ACOX1: variants seen among roughly 807,000 people sequenced by gnomAD.
ACOX1 encodes peroxisomal acyl-coenzyme A oxidase 1.
ACOX1 carries 41 observed loss-of-function variants against 75.5 expected under a neutral mutation model. That is an observed-to-expected ratio of 0.54 (90% confidence interval 0.42 to 0.70). The LOEUF (loss-of-function observed/expected upper bound fraction) is 0.70. ACOX1 is among the 30% of genes least tolerant of loss of function. The pLI is 0.00. For missense variants in ACOX1, 630 were observed against 837.5 expected, an observed-to-expected ratio of 0.75 and a Z score of 3.06; for synonymous variants, 303 against 298.8, an observed-to-expected ratio of 1.01 and a Z score of -0.15.
rs2065711020 is a variant in ACOX1 at position 75,945,444 on chromosome 17, AT to A, written c.*1303del. ...TACCAGTTCCCCAGGATAGATAGAT[AT>A]TATGTCAGGTCCCAAGATAGGAGTT... is the stretch of plus-strand genomic sequence containing the variant. On this transcript the variant is annotated 3_prime_UTR_variant, in exon 14 of 14. Transcript: ENST00000293217. 1 of 152,228 alleles carries A rather than the reference AT, an allele frequency of 6.6e-6. No homozygotes were observed. The highest frequency in any genetic ancestry group is 1.5e-5 in the Non-Finnish European group (1 of 68,028). 9.4% of individuals were successfully genotyped at this position (152,228 alleles called of 1,614,324 possible). A position where few individuals can be genotyped will look rare whatever the true frequency, so the allele number is the denominator to read the frequency against.
Position 75,978,455 on chromosome 17 carries a change from C to T in ACOX1, c.269+79G>A. The T allele has an allele frequency of 6.4e-7, 1 of 1,556,594 alleles. No individual in the cohort carries two copies. The highest frequency in any genetic ancestry group is 1.7e-4 in the Middle Eastern group (1 of 5,954). ...AGTTTGCATCTTCAAACACCAAGCA[C>T]GGTGATGAAAGGCCACCATAGACCG... On this transcript the variant is annotated intron_variant, in intron 2 of 13. Transcript: ENST00000293217. This position sits in a 1 kb window ranked among gnomAD's most constrained non-coding sequence, Gnocchi z 4.2.
intron 7 of ACOX1, 184 bp downstream of exon 7, chr17:75,953,267 T>A: frequency 1.7e-6 from 1 of 604,576 alleles, no homozygotes; most frequent in Non-Finnish European, 2.9e-6. Context: ...ATAGCAAGGG[T>A]GGTTATTTCT....
chr17:75,949,969 C>G (rs1317866031), intron 9 of ACOX1, 72 bp from the exon 10 acceptor site: 2 of 1,552,162 alleles, frequency 1.3e-6, no homozygotes, highest in African/African-American at 2.7e-5. Context: ...GAGTTTCATT[C>G]TTGTTGCCTA....
Position 75,946,394 on chromosome 17 carries a change from T to C in ACOX1, c.*354A>G. On this transcript the variant is annotated 3_prime_UTR_variant, in exon 14 of 14. Transcript: ENST00000293217. ...ATACCTTTGCTTAAAAACACTTATA[T>C]AGCCAGTGATTAGCAATTAAAATGT... 2.9e-6 allele frequency: 1 copy of C among 349,702 alleles called. No homozygotes were observed. Among genetic ancestry groups the C allele is most frequent in the South Asian group, 2.3e-5 (1 of 42,684 alleles). The allele number at this position is 349,702 out of a possible 1,614,324, so 21.7% of individuals were successfully genotyped here.
rs753117956 is a variant in ACOX1 at position 75,946,711 on chromosome 17, G to A, written c.*37C>T. On this transcript the variant is annotated 3_prime_UTR_variant, in exon 14 of 14. Coordinates refer to ENST00000293217, the MANE Select transcript of ACOX1 (RefSeq NM_004035.7). ...CACAAAATTTGAGTTGCACACAGGC[G>A]CTTTCTGAAGCAGATTAAACTTGTC... 5.6e-6 allele frequency: 9 copies of A among 1,599,174 alleles called. No homozygotes were observed. Among genetic ancestry groups the A allele is most frequent in the South Asian group, 3.3e-5 (3 of 90,696 alleles).
At position 75,944,702 on chromosome 17, in the gene ACOX1, G is replaced by C. The variant is rs1342737880; in HGVS notation, c.*2046C>G. On this transcript the variant is annotated 3_prime_UTR_variant, in exon 14 of 14. Transcript: ENST00000293217. ...ATTATATTGAATAAAGTTCAAGACA[G>C]AACATTCCAATATTAATAAAAATAG... 1.3e-5 allele frequency: 2 copies of C among 152,030 alleles called. No individual in the cohort carries two copies. Among genetic ancestry groups the C allele is most frequent in the African/African-American group, 4.8e-5 (2 of 41,402 alleles). 9.4% of individuals were successfully genotyped at this position (152,030 alleles called of 1,614,324 possible).
chr17:75,958,363 A>G lies in ACOX1; in HGVS notation c.431-797T>C, dbSNP rs544132714. On this transcript the variant is annotated intron_variant, in intron 3 of 13. Coordinates refer to ENST00000293217, the MANE Select transcript of ACOX1 (RefSeq NM_004035.7). ...GCAAGACTCCATCTCAAAAAAAAAAAAAAAAGAAAAAGAAAAAGAAAAAGG... is the reference window on the plus strand; with the variant it reads ...GCAAGACTCCATCTCAAAAAAAAAAGAAAAAGAAAAAGAAAAAGAAAAAGG... 6.5e-4 allele frequency among the ~76,000 whole-genome samples: 96 copies of G among 147,446 alleles called. 2 individuals are homozygous for G. Among genetic ancestry groups the G allele is most frequent in the African/African-American group, 2.2e-3 (87 of 39,330 alleles).
intron 2 of ACOX1, among the ~76,000 whole-genome samples, chr17:75,970,022 T>G (rs2065978074): frequency 6.6e-6 from 1 of 151,672 alleles, no homozygotes. Flanking sequence ...CTGTCTCTAC[T>G]AAAAATATAA....
At position 75,944,209 on chromosome 17, in the gene ACOX1, G is replaced by C. The variant is rs2065699428; in HGVS notation, c.*2539C>G. ...AGATCCCACCACTGCACTCCAGTCTGGGTGACAGTGATACCCTGTCTCAAA... is the reference window on the plus strand; with the variant it reads ...AGATCCCACCACTGCACTCCAGTCTCGGTGACAGTGATACCCTGTCTCAAA... On this transcript the variant is annotated 3_prime_UTR_variant, in exon 14 of 14. Transcript: ENST00000293217. 6.6e-6 allele frequency: 1 copy of C among 152,184 alleles called. No individual in the cohort carries two copies. The highest frequency in any genetic ancestry group is 1.5e-5 in the Non-Finnish European group (1 of 68,028). 9.4% of individuals were successfully genotyped at this position (152,184 alleles called of 1,614,324 possible). A position where few individuals can be genotyped will look rare whatever the true frequency, so the allele number is the denominator to read the frequency against.
In ACOX1 at chr17:75,946,593, T is replaced by A. The variant is rs544439410; in HGVS notation, c.*155A>T. 1.7e-4 allele frequency: 118 copies of A among 695,878 alleles called. No individual in the cohort carries two copies. The highest frequency in any genetic ancestry group is 7.4e-4 in the Middle Eastern group (2 of 2,716). 43.1% of individuals were successfully genotyped at this position (695,878 alleles called of 1,614,324 possible). A position where few individuals can be genotyped will look rare whatever the true frequency, so the allele number is the denominator to read the frequency against. Reference sequence around the variant, plus strand: ...CTTAAAACATCTGCTTTTTTTCATTTAATCTCTGAAATCTGTTCATTTTTT... The same window carrying A: ...CTTAAAACATCTGCTTTTTTTCATTAAATCTCTGAAATCTGTTCATTTTTT... On this transcript the variant is annotated 3_prime_UTR_variant, in exon 14 of 14. Coordinates refer to ENST00000293217, the MANE Select transcript of ACOX1 (RefSeq NM_004035.7).
At chr17:75,973,813 A>G in intron 2 of ACOX1, 6 of 1,611,466 alleles carry the variant, frequency 3.7e-6, no homozygotes, top group Non-Finnish European at 5.1e-6. Flanking sequence ...AAAGGATCTC[A>G]GCCTTCCTTT....
At position 75,958,723 on chromosome 17, in the gene ACOX1, G is replaced by A. The variant is rs1202294429; in HGVS notation, c.431-1157C>T. ...CTCGGGAGGCTGAGGCAGGAGAATG[G>A]CGTGAACCCGGAAGGTGGAGCTTGC... On this transcript the variant is annotated intron_variant, in intron 3 of 13. Coordinates refer to ENST00000293217, the MANE Select transcript of ACOX1 (RefSeq NM_004035.7). Among the ~76,000 whole-genome samples, 5 of 151,672 alleles carry A rather than the reference G, an allele frequency of 3.3e-5. No individual in the cohort carries two copies. The South Asian group carries it at 8.3e-4, about 25-fold the overall frequency.
rs767935600 is a variant in ACOX1 at position 75,950,949 on chromosome 17, C to T, written c.1123G>A (p.Ala375Thr). The stretch of plus-strand genomic sequence containing the variant: ...CAGGAGGTGAAAGCCTTCAGTCCAG[C>T]GGTGAGGGCATGAAGCTGAGAGGAC... ...SELPELHALT[A>T]GLKAFTSWTA... The change falls in exon 9 of 14, where the codon GCT becomes ACT. Residue 375 changes from alanine (A) to threonine (T), a missense_variant. Transcript: ENST00000293217. This position sits in a 1 kb window ranked among gnomAD's most constrained non-coding sequence, Gnocchi z 4.3. The T allele has an allele frequency of 1.4e-5, 22 of 1,613,918 alleles. No homozygotes were observed. Among genetic ancestry groups the T allele is most frequent in the African/African-American group, 6.7e-5 (5 of 74,896 alleles).
chr17:75,951,330 C>T lies in ACOX1; in HGVS notation c.1107+85G>A, dbSNP rs1598176183. ...ATACATACTTCTTTTCAGGAAATAC[C>T]AACATTTAGTTATCTCTGGACCTCA... is the stretch of plus-strand genomic sequence containing the variant. On this transcript the variant is annotated intron_variant, in intron 8 of 13. Coordinates refer to ENST00000293217, the MANE Select transcript of ACOX1 (RefSeq NM_004035.7). The T allele has an allele frequency of 9.1e-6, 14 of 1,530,958 alleles. No homozygotes were observed. In the East Asian group the frequency reaches 2.9e-4, roughly 32 times the overall value. The allele number at this position is 1,530,958 out of a possible 1,614,324, so 94.8% of individuals were successfully genotyped here.
At chr17:75,974,008 G>A (rs1358566342) in intron 2 of ACOX1, among the ~76,000 whole-genome samples, 1 of 152,160 alleles carries the variant, frequency 6.6e-6, no homozygotes. Context: ...AGTTCCCACA[G>A]TTCATTTCGT....
intron 6 of ACOX1, among the ~76,000 whole-genome samples, chr17:75,954,277 T>C (rs1235268951): frequency 6.7e-6 from 1 of 149,576 alleles, no homozygotes; most frequent in Non-Finnish European, 1.5e-5. Context: ...TCCTAGCACT[T>C]TGGGAGGCCG....
rs759124978 is a variant in ACOX1, at chr17:75,973,792, GAGAGA to G, written c.269+4737_269+4741del. 104 of 1,613,826 alleles carry G rather than the reference GAGAGA, an allele frequency of 6.4e-5. No homozygotes were observed. Among genetic ancestry groups the G allele is most frequent in the Non-Finnish European group, 6.1e-5 (72 of 1,179,862 alleles). On this transcript the variant is annotated intron_variant, in intron 2 of 13. Coordinates refer to ENST00000293217, the MANE Select transcript of ACOX1 (RefSeq NM_004035.7). ...AAAATTGACCAAATGTAGTCTACAG[GAGAGA>G]AGAGAAAAGGATCTCAGCCTTCCTT... is the stretch of plus-strand genomic sequence containing the variant.
Position 75,957,499 on chromosome 17 carries a change from G to C in ACOX1, c.498C>G (p.Asn166Lys), listed in dbSNP as rs2065844378. The change falls in exon 4 of 14, where the codon AAC becomes AAG. Residue 166 changes from asparagine to lysine, a missense_variant. Asn to Lys is a moderately conservative substitution (Grantham distance 94, BLOSUM62 0). Around this residue, in one of 2 missense-constraint regions of ACOX1, gnomAD observed 390 missense variants for 574.9 expected, o/e 0.68. Coordinates refer to ENST00000293217, the MANE Select transcript of ACOX1 (RefSeq NM_004035.7). Reference protein sequence around the residue: ...YDPETQEFILNSPTVTSIKWW... With the variant: ...YDPETQEFILKSPTVTSIKWW... ...ATTTAATGGAGGTCACAGTAGGACT[G>C]TTGAGAATGAACTCCTGGGTTTCAG... The C allele has an allele frequency of 1.9e-6, 3 of 1,614,144 alleles. No homozygotes were observed. The highest frequency in any genetic ancestry group is 1.7e-6 in the Non-Finnish European group (2 of 1,180,004).
intron 2 of ACOX1, among the ~76,000 whole-genome samples, chr17:75,967,805 A>G (rs2065952938): frequency 6.7e-6 from 1 of 149,962 alleles, no homozygotes; most frequent in Admixed American, 6.7e-5. Flanking sequence ...CAGTGGCACG[A>G]TCTCGGCTCA....
Sources: gnomAD v4.1 joint callset for allele counts (sites outside exome capture counted in the v4.1 genomes callset) on GRCh38, gnomAD v4.1.1 for gene constraint, gnomAD v4.1.1 regional missense constraint, Gnocchi (gnomAD v3.1) non-coding constraint, MANE v1.5 for transcripts, NCBI Gene and HGNC (gene_info 2026-07-23, HGNC 2026-07-21) for gene names.